FAM161A: variants seen among roughly 807,000 people sequenced by gnomAD.
FAM161A encodes the protein FAM161 centrosomal protein A, also known as protein FAM161A.
A neutral mutation model predicts 70.9 loss-of-function variants in FAM161A; 57 were observed. That is an observed-to-expected ratio of 0.80 (90% CI 0.65 to 1.00). FAM161A has a LOEUF of 1.00. Ranked by LOEUF, FAM161A falls within the 50% of genes least tolerant of loss-of-function variation. The pLI is 0.00. For synonymous variants in FAM161A, 299 were observed against 295.7 expected (o/e 1.01, Z -0.12); for missense variants, 880 against 836.0 (o/e 1.05, Z -0.65).
chr2:61,832,134 A>G (rs572849915), intron 5 of FAM161A, among the ~76,000 whole-genome samples: 47 of 151,908 alleles, frequency 3.1e-4, no homozygotes, highest in African/African-American at 1.1e-3. Context: ...AGTCCTAACT[A>G]CTTGGGAGGC....
intron 5 of FAM161A, among the ~76,000 whole-genome samples, chr2:61,828,436 C>A (rs569593197): frequency 1.8e-4 from 28 of 152,206 alleles, no homozygotes; most frequent in South Asian, 1.2e-3. Context: ...TCAAGCGATC[C>A]TCCCACCTCA....
chr2:61,814,984 A>G, the FAM161A span, among the ~76,000 whole-genome samples: 10 of 152,302 alleles, frequency 6.6e-5, no homozygotes, highest in South Asian at 2.1e-3. Context: ...GACAGTCTCT[A>G]TCACTCTGAA....
intron 1 of FAM161A, 64 bp downstream of exon 1, chr2:61,853,795 G>C: frequency 1.9e-6 from 3 of 1,587,996 alleles, no homozygotes; most frequent in Non-Finnish European, 2.6e-6. Flanking sequence ...GCGGGGAACC[G>C]GACAGCCCTC....
chr2:61,823,825 T>A (rs567406908), downstream of FAM161A, among the ~76,000 whole-genome samples: 3 of 152,156 alleles, frequency 2.0e-5, no homozygotes, highest in Non-Finnish European at 2.9e-5. Context: ...CATAACCTTT[T>A]TCTTGATGTT....
chr2:61,818,696 T>C, the FAM161A span, among the ~76,000 whole-genome samples: 1 of 152,128 alleles, frequency 6.6e-6, no homozygotes, highest in Non-Finnish European at 1.5e-5. Context: ...ACAGAGACTA[T>C]CAGCTAATAT....
chr2:61,820,113 T>C, downstream of FAM161A: 1 of 417,096 alleles, frequency 2.4e-6, no homozygotes, highest in Non-Finnish European at 4.4e-6. Flanking sequence ...AATTAGGAAT[T>C]GTGTTCTGCT....
At position 61,842,255 on chromosome 2, in the gene FAM161A, T is replaced by G; in HGVS notation, c.289A>C (p.Lys97Gln). 5 of 1,613,532 alleles carry G rather than the reference T, an allele frequency of 3.1e-6. No individual in the cohort carries two copies. The highest frequency in any genetic ancestry group is 4.2e-6 in the Non-Finnish European group (5 of 1,179,464). The change falls in exon 2 of 7, where the codon AAG (lysine) becomes CAG (glutamine). Residue 97 changes from lysine (K) to glutamine (Q), a missense_variant. By Grantham distance (53) the Lys-to-Gln change is moderately conservative. Transcript: ENST00000404929. ...DIHHSNEEYF[K>Q]KVEELKAAHI... is the part of the protein sequence containing the mutation. ...GCAGCCTTCAACTCTTCTACTTTCT[T>G]GAAATACTCCTCATTAGAGTGGTGA...
the FAM161A span, among the ~76,000 whole-genome samples, chr2:61,812,669 C>A: frequency 6.6e-6 from 1 of 152,034 alleles, no homozygotes; most frequent in Non-Finnish European, 1.5e-5. Flanking sequence ...TTGCAGTGAG[C>A]CAAGATTGTG....
At chr2:61,816,293 A>C in the FAM161A span, among the ~76,000 whole-genome samples, 1 of 152,016 alleles carries the variant, frequency 6.6e-6, no homozygotes, top group Non-Finnish European at 1.5e-5. Context: ...TCACCCTCCC[A>C]CTGCCTGGGT....
intron 1 of FAM161A, among the ~76,000 whole-genome samples, chr2:61,842,625 A>G (rs1441986668): frequency 1.3e-5 from 2 of 152,226 alleles, no homozygotes; most frequent in East Asian, 3.8e-4. Flanking sequence ...TTCAATTCCC[A>G]GATCAACCAA....
Position 61,842,307 on chromosome 2 carries a change from A to G in FAM161A, c.237T>C (p.Tyr79=). The G allele has an allele frequency of 1.2e-6, 2 of 1,601,204 alleles. No homozygotes were observed. The highest frequency in any genetic ancestry group is 1.7e-6 in the Non-Finnish European group (2 of 1,172,818). ...TATCAGGAAAGTTCACAAAGTCCTC[A>G]TAGCTTATCGGTGCATGTTCATCCA... ...SGVDEHAPIS[Y]EDFVNFPDIH... The change falls in exon 2 of 7, where the codon TAT becomes TAC. Residue 79 remains tyrosine, a synonymous_variant. Coordinates refer to ENST00000404929, the MANE Select transcript of FAM161A (RefSeq NM_001201543.2).
At chr2:61,836,540 T>C (rs567424226) in intron 4 of FAM161A, 2 of 156,702 alleles carry the variant, frequency 1.3e-5, no homozygotes, top group Admixed American at 1.3e-4. Context: ...AACAAGACTT[T>C]GCTCTTATTT....
At chr2:61,834,065 G>A (rs1189699445) in intron 5 of FAM161A, among the ~76,000 whole-genome samples, 2 of 152,116 alleles carry the variant, frequency 1.3e-5, no homozygotes, top group African/African-American at 4.8e-5. Context: ...AATAACAAGT[G>A]CTGATGCTAT....
chr2:61,842,243 CTT>C lies in FAM161A; in HGVS notation c.299_300del (p.Glu100GlyfsTer20), dbSNP rs776996002. 6.2e-7 allele frequency: 1 copy of C among 1,613,412 alleles called. No individual in the cohort carries two copies. The highest frequency in any genetic ancestry group is 8.5e-7 in the Non-Finnish European group (1 of 1,179,348). On this transcript the variant is annotated frameshift_variant, in exon 2 of 7. Coordinates refer to ENST00000404929, the MANE Select transcript of FAM161A (RefSeq NM_001201543.2). LOFTEE classifies it high-confidence loss of function. ...GTTTCTATGTGGGCAGCCTTCAACT[CTT>C]CTACTTTCTTGAAATACTCCTCATT... is the stretch of plus-strand genomic sequence containing the variant. ...HSNEEYFKKV[E>X]ELKAAHIETM...
the FAM161A span, among the ~76,000 whole-genome samples, chr2:61,818,867 C>T: frequency 2.8e-3 from 419 of 152,302 alleles, 2 homozygotes; most frequent in Non-Finnish European, 4.8e-3. Context: ...TACCCGGTTA[C>T]TTAAGCATCA....
At chr2:61,838,511 T>C (rs1672856295) in intron 4 of FAM161A, 27 bp downstream of exon 4, 2 of 1,587,842 alleles carry the variant, frequency 1.3e-6, no homozygotes, top group Non-Finnish European at 8.6e-7. Context: ...ACCAGTGGTC[T>C]GGAGATTCAA....
chr2:61,839,384 A>G (rs1057332357), intron 3 of FAM161A, 37 bp downstream of exon 3: 1 of 1,596,910 alleles, frequency 6.3e-7, no homozygotes, highest in Non-Finnish European at 8.6e-7. Context: ...TCATCTGGCA[A>G]CCATGAGTCA....
In FAM161A at chr2:61,825,234, T is replaced by C. The variant is rs1213158456; in HGVS notation, c.*1221A>G. The C allele has an allele frequency of 4.5e-6, 2 of 441,168 alleles. No individual in the cohort carries two copies. The highest frequency in any genetic ancestry group is 2.6e-5 in the Admixed American group (1 of 39,204). 27.3% of individuals were successfully genotyped at this position (441,168 alleles called of 1,614,324 possible). A position where few individuals can be genotyped will look rare whatever the true frequency, so the allele number is the denominator to read the frequency against. On this transcript the variant is annotated 3_prime_UTR_variant, in exon 7 of 7. Coordinates refer to ENST00000404929, the MANE Select transcript of FAM161A (RefSeq NM_001201543.2). ...AAAAATTTGCTTAAAGAAAAAAATA[T>C]AGATTTATAAAATCAGATTAACACT...
chr2:61,800,849 A>T, the FAM161A span, among the ~76,000 whole-genome samples: 7 of 152,108 alleles, frequency 4.6e-5, no homozygotes, highest in Non-Finnish European at 2.9e-5. Context: ...TGTCACCAGG[A>T]TGGGAGTGCA....
Sources: allele counts gnomAD v4.1 joint callset (sites outside exome capture counted in the v4.1 genomes callset), GRCh38; gene constraint gnomAD v4.1.1; transcripts MANE v1.5; gene names NCBI Gene and HGNC (gene_info 2026-07-23, HGNC 2026-07-21).